Variants in MARCHF1 observed in about 807,000 individuals in gnomAD.
The protein encoded by MARCHF1 is membrane associated ring-CH-type finger 1.
Under a neutral mutation model 54.2 loss-of-function variants are expected in MARCHF1, and 40 were observed. The ratio of observed to expected loss-of-function variants is 0.74; its 90% CI spans 0.57 to 0.96. The LOEUF is 0.96. Among genes scored for constraint, MARCHF1 ranks in the 40% least tolerant of loss-of-function variants. The probability of loss-of-function intolerance (pLI) is 0.00; values close to 1 mark genes in which losing one functional copy is unlikely to be tolerated. For synonymous variants in MARCHF1, 236 were observed against 236.3 expected, an observed-to-expected ratio of 1.00 and a Z score of 0.01; for missense variants, 586 against 656.5, an observed-to-expected ratio of 0.89 and a Z score of 1.17.
At chr4:164,034,104 T>C (rs62348139) in intron 2 of MARCHF1, among the ~76,000 whole-genome samples, 9,377 of 141,680 alleles carry the variant, frequency 0.066, 649 homozygotes, top group South Asian at 0.13. Flanking sequence ...GATAGATAGA[T>C]AGATAGATAG....
chr4:164,042,006 A>T (rs1473788920), intron 2 of MARCHF1, among the ~76,000 whole-genome samples: 1 of 152,214 alleles, frequency 6.6e-6, no homozygotes, highest in African/African-American at 2.4e-5. Flanking sequence ...TTATAATGTC[A>T]CTTATTGCCG....
chr4:164,102,637 C>G (rs887925760), intron 2 of MARCHF1, among the ~76,000 whole-genome samples: 3 of 151,636 alleles, frequency 2.0e-5, no homozygotes, highest in African/African-American at 7.2e-5. Context: ...AAAGGAACAA[C>G]CGGCACCAGC....
intron 1 of MARCHF1, among the ~76,000 whole-genome samples, chr4:164,149,281 T>C (rs11942093): frequency 0.019 from 2,834 of 152,274 alleles, 82 homozygotes; most frequent in African/African-American, 0.065. Flanking sequence ...CATTCCTTTA[T>C]AGCAATGCAA....
chr4:163,878,994 T>C (rs1750355353), intron 3 of MARCHF1, among the ~76,000 whole-genome samples: 1 of 152,186 alleles, frequency 6.6e-6, no homozygotes, highest in African/African-American at 2.4e-5. Context: ...AAATTACAAC[T>C]AGCAAAGGGC....
At chr4:163,842,043 C>T (rs1435011317) in intron 4 of MARCHF1, among the ~76,000 whole-genome samples, 3 of 152,020 alleles carry the variant, frequency 2.0e-5, no homozygotes, top group African/African-American at 7.2e-5. Flanking sequence ...TGGCTTTTAA[C>T]CTAAGGAATT....
At chr4:164,287,257 A>G (rs1426071871) in intron 1 of MARCHF1, among the ~76,000 whole-genome samples, 1 of 151,824 alleles carries the variant, frequency 6.6e-6, no homozygotes. Flanking sequence ...TAGGGTTTTC[A>G]TGGGAGTGGA....
intron 1 of MARCHF1, among the ~76,000 whole-genome samples, chr4:164,179,619 A>G (rs552306092): frequency 6.6e-6 from 1 of 152,206 alleles, no homozygotes; most frequent in South Asian, 2.1e-4. Context: ...ACACACATAC[A>G]TATAGAGGCT....
chr4:163,969,840 C>T (rs1393154944), intron 3 of MARCHF1, among the ~76,000 whole-genome samples: 2 of 152,186 alleles, frequency 1.3e-5, no homozygotes, highest in Non-Finnish European at 2.9e-5. Flanking sequence ...TTTCATAACA[C>T]ATGTTTTGGG....
At chr4:164,111,098 T>C (rs1367318310) in intron 2 of MARCHF1, among the ~76,000 whole-genome samples, 1 of 151,830 alleles carries the variant, frequency 6.6e-6, no homozygotes, top group African/African-American at 2.4e-5. Flanking sequence ...ACTCATATAG[T>C]GCATATCTCA....
At chr4:163,632,969 G>GC (rs561501598) in intron 5 of MARCHF1, among the ~76,000 whole-genome samples, 8,540 of 152,014 alleles carry the variant, frequency 0.056, 434 homozygotes, top group East Asian at 0.16. Context: ...ACTAGGAGGC[G>GC]CCCCCCAGCA....
chr4:164,270,449 A>T (rs1410474426), intron 1 of MARCHF1, among the ~76,000 whole-genome samples: 2 of 152,158 alleles, frequency 1.3e-5, no homozygotes, highest in East Asian at 1.9e-4. Context: ...TCTGTCTCCA[A>T]ATACTGGAGT....
intron 1 of MARCHF1, among the ~76,000 whole-genome samples, chr4:164,144,018 A>G (rs1297869434): frequency 1.3e-5 from 2 of 152,238 alleles, no homozygotes; most frequent in African/African-American, 4.8e-5. Context: ...AGGGGTTGCA[A>G]TCCTAGTCTC....
chr4:163,986,055 C>G (rs1000404804), intron 3 of MARCHF1, among the ~76,000 whole-genome samples: 14 of 151,628 alleles, frequency 9.2e-5, no homozygotes, highest in Admixed American at 6.6e-4. Flanking sequence ...ACAAGTTATT[C>G]GGCGGCCTAC....
chr4:163,616,068 C>A (rs1018918870), intron 5 of MARCHF1, among the ~76,000 whole-genome samples: 4 of 152,070 alleles, frequency 2.6e-5, no homozygotes, highest in Non-Finnish European at 5.9e-5. Flanking sequence ...AAAATCAACT[C>A]AAAATGAATT....
Position 164,141,616 on chromosome 4 carries a change from T to G in MARCHF1, c.-322-29954A>C, listed in dbSNP as rs189771626. ...ACAAGTCGCAACATAGAGCCCATGA[T>G]TTCACCTGGCGGTGCGCAAGCTTTG... On this transcript the variant is annotated intron_variant, in intron 1 of 9. Transcript: ENST00000514618. Among the ~76,000 whole-genome samples the G allele has an allele frequency of 8.7e-4, 133 of 152,320 alleles. 2 individuals are homozygous for G. Among genetic ancestry groups the G allele is most frequent in the African/African-American group, 3.1e-3 (129 of 41,576 alleles).
At chr4:164,032,898 C>G (rs1753908135) in intron 2 of MARCHF1, among the ~76,000 whole-genome samples, 1 of 152,132 alleles carries the variant, frequency 6.6e-6, no homozygotes, top group Non-Finnish European at 1.5e-5. Flanking sequence ...TACCCGACTT[C>G]AAACTATACT....
intron 2 of MARCHF1, among the ~76,000 whole-genome samples, chr4:164,015,900 C>A (rs1340947362): frequency 4.3e-4 from 62 of 143,604 alleles, no homozygotes; most frequent in African/African-American, 5.3e-4. Context: ...TAAGTTTCCC[C>A]AAAAAAAAAA....
At chr4:164,270,586 C>G (rs1182077829) in intron 1 of MARCHF1, among the ~76,000 whole-genome samples, 2 of 152,178 alleles carry the variant, frequency 1.3e-5, no homozygotes, top group Non-Finnish European at 2.9e-5. Context: ...CCCAGAAATT[C>G]AAGCTTGTTT....
In MARCHF1 at chr4:164,167,312, G is replaced by T. The variant is rs141606640; in HGVS notation, c.-322-55650C>A. On this transcript the variant is annotated intron_variant, in intron 1 of 9. Coordinates refer to ENST00000514618, the MANE Select transcript of MARCHF1 (RefSeq NM_001394959.1). ...ATAAATGGAAGGGTATATTATATTT[G>T]TGGATGGGAAGAATTATTAATATTG... Among the ~76,000 whole-genome samples, 5 of 151,924 alleles carry T rather than the reference G, an allele frequency of 3.3e-5. No individual in the cohort carries two copies. In the East Asian group the frequency reaches 9.6e-4, roughly 29 times the overall value.
Sources: allele counts gnomAD v4.1 joint callset (sites outside exome capture counted in the v4.1 genomes callset), GRCh38; gene constraint gnomAD v4.1.1; transcripts MANE v1.5; gene names NCBI Gene and HGNC (gene_info 2026-07-23, HGNC 2026-07-21).